APAF1: variants seen among roughly 807,000 people sequenced by gnomAD.
APAF1 encodes the protein apoptotic peptidase activating factor 1.
APAF1 carries 91 observed loss-of-function variants against 152.4 expected under a neutral mutation model. The observed-to-expected ratio is 0.60, with a 90% confidence interval of 0.50 to 0.71. The LOEUF (loss-of-function observed/expected upper bound fraction) is 0.71, where lower values mean the gene tolerates loss of function less well. APAF1 is among the 30% of genes least tolerant of loss of function. The probability of loss-of-function intolerance (pLI) is 0.00; values close to 1 mark genes in which losing one functional copy is unlikely to be tolerated. For missense variants in APAF1, 1,283 were observed against 1,472.0 expected (o/e 0.87, Z 2.10); for synonymous variants, 484 against 494.1 (o/e 0.98, Z 0.27).
At chr12:98,727,342 A>G (rs748116668) in intron 26 of APAF1, 26 bp downstream of exon 26, 2 of 1,611,824 alleles carry the variant, frequency 1.2e-6, no homozygotes, top group South Asian at 1.1e-5. Flanking sequence ...GAACTGTGAA[A>G]GAAAATAATA....
chr12:98,690,703 C>T (rs746392893), intron 16 of APAF1, among the ~76,000 whole-genome samples: 33 of 152,178 alleles, frequency 2.2e-4, no homozygotes, highest in Non-Finnish European at 4.0e-4. Context: ...ATGGTCTGTT[C>T]ATCCCTAATT....
At chr12:98,704,194 G>C (rs1026324583) in intron 18 of APAF1, among the ~76,000 whole-genome samples, 1 of 151,894 alleles carries the variant, frequency 6.6e-6, no homozygotes, top group African/African-American at 2.4e-5. Flanking sequence ...TGAACTCTTG[G>C]CCTCAAGCAA....
At chr12:98,681,707 G>A (rs1310466591) in intron 14 of APAF1, among the ~76,000 whole-genome samples, 1 of 152,218 alleles carries the variant, frequency 6.6e-6, no homozygotes, top group Middle Eastern at 3.4e-3. Context: ...TCACTCTGTA[G>A]TGTCTACTCT....
intron 19 of APAF1, 126 bp downstream of exon 19, chr12:98,706,736 A>G: frequency 1.8e-6 from 2 of 1,117,386 alleles, no homozygotes; most frequent in South Asian, 2.5e-5. Context: ...ATTCCTATTC[A>G]CCCTGGAAAA....
chr12:98,695,338 A>C (rs2097708616), intron 16 of APAF1, among the ~76,000 whole-genome samples: 1 of 148,276 alleles, frequency 6.7e-6, no homozygotes, highest in African/African-American at 2.5e-5. Context: ...GGTGTGAGCC[A>C]CTGCGCCCAA....
In APAF1 at chr12:98,735,367, A is replaced by G. The variant is rs546952447; in HGVS notation, c.*2801A>G. Reference sequence around the variant, plus strand: ...TTATATGATTTTTTTGCCTTGGTATACATTTTAAAATATGAATTTAAAAAA... The same window carrying G: ...TTATATGATTTTTTTGCCTTGGTATGCATTTTAAAATATGAATTTAAAAAA... On this transcript the variant is annotated 3_prime_UTR_variant, in exon 27 of 27. Transcript: ENST00000551964. The G allele has an allele frequency of 9.3e-6, 4 of 429,736 alleles. No homozygotes were observed. Among genetic ancestry groups the G allele is most frequent in the South Asian group, 7.3e-5 (1 of 13,704 alleles). The allele number at this position is 429,736 out of a possible 1,614,324, so 26.6% of individuals were successfully genotyped here. A position where few individuals can be genotyped will look rare whatever the true frequency, so the allele number is the denominator to read the frequency against.
At chr12:98,666,960 G>T (rs1052175039) in intron 9 of APAF1, among the ~76,000 whole-genome samples, 1 of 150,864 alleles carries the variant, frequency 6.6e-6, no homozygotes, top group Non-Finnish European at 1.5e-5. Flanking sequence ...TGCTGAGATT[G>T]TAGGTATGAG....
intron 5 of APAF1, 74 bp from the exon 6 acceptor site, chr12:98,662,382 C>G (rs2097666643): frequency 2.7e-6 from 3 of 1,125,026 alleles, no homozygotes; most frequent in South Asian, 2.6e-5. Flanking sequence ...TTAAAAGACA[C>G]TGGTGGGATT....
At chr12:98,672,309 C>T (rs1182348456) in intron 12 of APAF1, among the ~76,000 whole-genome samples, 2 of 151,966 alleles carry the variant, frequency 1.3e-5, no homozygotes, top group East Asian at 1.9e-4. Flanking sequence ...GGATTATAGG[C>T]GCCCACCACC....
At chr12:98,665,278 A>ATAT (rs1491316422) in intron 7 of APAF1, among the ~76,000 whole-genome samples, 45 of 65,972 alleles carry the variant, frequency 6.8e-4, no homozygotes, top group South Asian at 1.6e-3. Flanking sequence ...ATATATATAT[A>ATAT]TTTTTTTTTT....
chr12:98,654,835 T>TTATTTTTTTTTTTTTTTTTTTTTTTA (rs1565856303), intron 4 of APAF1, among the ~76,000 whole-genome samples: 1 of 127,894 alleles, frequency 7.8e-6, no homozygotes, highest in African/African-American at 3.0e-5. Context: ...TTTTTTTTTT[T>TTATTTTTTTTTTTTTTTTTTTTTTTA]AATTTATTTT....
intron 3 of APAF1, 132 bp from the exon 4 acceptor site, chr12:98,649,355 A>G: frequency 3.8e-6 from 5 of 1,317,300 alleles, no homozygotes; most frequent in Non-Finnish European, 5.2e-6. Flanking sequence ...TTAATATGCT[A>G]GCCACATTTT....
chr12:98,651,065 A>G (rs573669247), intron 4 of APAF1, among the ~76,000 whole-genome samples: 1 of 152,330 alleles, frequency 6.6e-6, no homozygotes, highest in African/African-American at 2.4e-5. Flanking sequence ...TTATCTTGGA[A>G]CAGGTTTTAA....
intron 3 of APAF1, 184 bp downstream of exon 3, chr12:98,648,999 T>G (rs1282118578): frequency 1.3e-6 from 1 of 769,044 alleles, no homozygotes; most frequent in Admixed American, 2.2e-5. Context: ...TCAACTTTTC[T>G]TCTTGCCCAG....
intron 24 of APAF1, among the ~76,000 whole-genome samples, chr12:98,724,308 A>G (rs1038497291): frequency 1.3e-5 from 2 of 152,082 alleles, no homozygotes; most frequent in Admixed American, 1.3e-4. Context: ...ACCACCCTGA[A>G]GAGCATGCTT....
chr12:98,685,796 C>T (rs1181024106), intron 15 of APAF1, among the ~76,000 whole-genome samples: 1 of 152,074 alleles, frequency 6.6e-6, no homozygotes, highest in African/African-American at 2.4e-5. Flanking sequence ...CCACCACTCC[C>T]AGCTAATTTT....
intron 24 of APAF1, among the ~76,000 whole-genome samples, chr12:98,723,997 A>G (rs980286461): frequency 6.6e-6 from 1 of 152,250 alleles, no homozygotes; most frequent in Non-Finnish European, 1.5e-5. Flanking sequence ...TAACTAATCA[A>G]ATGCAACCTC....
intron 16 of APAF1, among the ~76,000 whole-genome samples, chr12:98,689,545 G>C (rs1052610924): frequency 4.0e-5 from 6 of 151,892 alleles, no homozygotes; most frequent in African/African-American, 1.5e-4. Flanking sequence ...GAGTGCAGTG[G>C]TCTGGGCTAA....
At chr12:98,705,687 A>T (rs2097720623) in intron 18 of APAF1, among the ~76,000 whole-genome samples, 1 of 152,382 alleles carries the variant, frequency 6.6e-6, no homozygotes, top group Non-Finnish European at 1.5e-5. Context: ...CTGCTGGTAG[A>T]CATGGTAATA....
Sources: gnomAD v4.1 joint callset for allele counts (sites outside exome capture counted in the v4.1 genomes callset) on GRCh38, gnomAD v4.1.1 for gene constraint, MANE v1.5 for transcripts, NCBI Gene and HGNC (gene_info 2026-07-23, HGNC 2026-07-21) for gene names.